CADPS2: variants seen among roughly 807,000 people sequenced by gnomAD.
The protein encoded by CADPS2 is calcium dependent secretion activator 2.
A neutral mutation model predicts 172.5 loss-of-function variants in CADPS2; 93 were observed. The ratio of observed to expected loss-of-function variants is 0.54; its 90% CI spans 0.46 to 0.64. The LOEUF (loss-of-function observed/expected upper bound fraction) is 0.64. Ranked by LOEUF, CADPS2 falls within the 30% of genes least tolerant of loss-of-function variation. The pLI, the probability that CADPS2 is intolerant of heterozygous loss-of-function variation, is 0.00. For missense variants in CADPS2, 1,420 were observed against 1,565.9 expected (o/e 0.91, Z 1.57); for synonymous variants, 546 against 555.2 (o/e 0.98, Z 0.23).
intron 25 of CADPS2, among the ~76,000 whole-genome samples, chr7:122,362,803 G>A (rs1234610239): frequency 6.6e-6 from 1 of 152,172 alleles, no homozygotes; most frequent in Non-Finnish European, 1.5e-5. Context: ...AGAACTCGCT[G>A]TGAGTGCATA....
chr7:122,779,490 C>A (rs1792108088), intron 1 of CADPS2, among the ~76,000 whole-genome samples: 1 of 152,092 alleles, frequency 6.6e-6, no homozygotes. Context: ...TAAAGCAAGT[C>A]AAAAGGCCAA....
At chr7:122,428,475 T>A (rs1424898964) in intron 17 of CADPS2, among the ~76,000 whole-genome samples, 8 of 141,002 alleles carry the variant, frequency 5.7e-5, no homozygotes, top group East Asian at 3.9e-4. Flanking sequence ...ATATATATTT[T>A]TTTTTTTTTG....
At chr7:122,816,333 T>C (rs1801397358) in intron 1 of CADPS2, among the ~76,000 whole-genome samples, 1 of 152,220 alleles carries the variant, frequency 6.6e-6, no homozygotes, top group Admixed American at 6.5e-5. Flanking sequence ...TAACATAATG[T>C]CTTCCAGTGC....
intron 3 of CADPS2, among the ~76,000 whole-genome samples, chr7:122,631,538 C>G (rs1157262685): frequency 1.3e-5 from 2 of 152,054 alleles, no homozygotes; most frequent in African/African-American, 4.8e-5. Flanking sequence ...CTCTGCCTTC[C>G]TAAGTGCTGG....
intron 3 of CADPS2, among the ~76,000 whole-genome samples, chr7:122,661,481 T>G (rs1373148283): frequency 6.6e-6 from 1 of 152,196 alleles, no homozygotes; most frequent in African/African-American, 2.4e-5. Flanking sequence ...CTAATCCATA[T>G]GTAATAACTC....
intron 3 of CADPS2, among the ~76,000 whole-genome samples, chr7:122,640,696 C>A (rs2077538765): frequency 6.6e-6 from 1 of 152,074 alleles, no homozygotes; most frequent in Admixed American, 6.6e-5. Flanking sequence ...CTTTGGGAGG[C>A]CGAGGCAGGC....
chr7:122,447,703 A>C (rs2052474885), intron 15 of CADPS2, among the ~76,000 whole-genome samples: 1 of 151,442 alleles, frequency 6.6e-6, no homozygotes, highest in South Asian at 2.1e-4. Flanking sequence ...ACAGGAGCTC[A>C]CCACCATGAC....
chr7:122,568,217 G>T (rs573442777), intron 7 of CADPS2, among the ~76,000 whole-genome samples: 4 of 151,852 alleles, frequency 2.6e-5, no homozygotes, highest in Admixed American at 2.0e-4. Context: ...TGGGCAACAC[G>T]GCAAAACCCC....
At chr7:122,536,891 A>T (rs2062345139) in intron 8 of CADPS2, among the ~76,000 whole-genome samples, 1 of 152,050 alleles carries the variant, frequency 6.6e-6, no homozygotes, top group Admixed American at 6.6e-5. Flanking sequence ...ATAGTAATGA[A>T]ATGCCTGATG....
rs187129237 is a variant in CADPS2, at chr7:122,706,329, T to C, written c.453+30626A>G. On this transcript the variant is annotated intron_variant, in intron 2 of 29. Transcript: ENST00000449022. ...TATTCAAGGAATATATATATATGCT[T>C]ATATATTCAAGGAATATATATATAT... Among the ~76,000 whole-genome samples the C allele has an allele frequency of 6.8e-3, 260 of 38,222 alleles. 17 individuals carry two copies. The highest frequency in any genetic ancestry group is 9.0e-3 in the Non-Finnish European group (165 of 18,426). The allele number at this position is 38,222 out of a possible 152,430, so 25.1% of individuals were successfully genotyped here.
At chr7:122,348,249 T>C (rs1344286284) in intron 27 of CADPS2, among the ~76,000 whole-genome samples, 1 of 152,208 alleles carries the variant, frequency 6.6e-6, no homozygotes, top group South Asian at 2.1e-4. Context: ...ACATTTACCA[T>C]AGACACTACG....
chr7:122,337,222 C>T (rs2035984938), intron 28 of CADPS2, among the ~76,000 whole-genome samples: 1 of 152,176 alleles, frequency 6.6e-6, no homozygotes, highest in East Asian at 1.9e-4. Context: ...CCAAATCCTG[C>T]TGAGCACCAT....
intron 2 of CADPS2, among the ~76,000 whole-genome samples, chr7:122,672,294 G>A (rs1401978916): frequency 6.6e-6 from 1 of 152,152 alleles, no homozygotes; most frequent in African/African-American, 2.4e-5. Flanking sequence ...TGGTTCCAGA[G>A]CTGGTCTCCA....
At chr7:122,470,492 T>C (rs774376055) in intron 14 of CADPS2, among the ~76,000 whole-genome samples, 32 of 151,820 alleles carry the variant, frequency 2.1e-4, no homozygotes, top group African/African-American at 7.7e-4. Flanking sequence ...TTATTTATTT[T>C]TTATTTTTAT....
chr7:122,772,314 A>AT (rs1471902902), intron 1 of CADPS2, among the ~76,000 whole-genome samples: 9 of 152,344 alleles, frequency 5.9e-5, no homozygotes, highest in Non-Finnish European at 1.0e-4. Flanking sequence ...TGTGATTAAC[A>AT]TATCACTTCA....
At chr7:122,671,264 G>A (rs1302417793) in intron 2 of CADPS2, among the ~76,000 whole-genome samples, 4 of 152,164 alleles carry the variant, frequency 2.6e-5, no homozygotes, top group East Asian at 1.9e-4. Context: ...ACTAGGCTAC[G>A]TACATAGACA....
chr7:122,357,917 A>T (rs2039630380), intron 27 of CADPS2, among the ~76,000 whole-genome samples: 1 of 152,190 alleles, frequency 6.6e-6, no homozygotes, highest in South Asian at 2.1e-4. Context: ...TTGGGTGATT[A>T]TAAACAAAGT....
intron 3 of CADPS2, among the ~76,000 whole-genome samples, chr7:122,642,184 G>A (rs540947819): frequency 2.0e-5 from 3 of 151,356 alleles, no homozygotes; most frequent in South Asian, 2.1e-4. Context: ...AGAGACTGAG[G>A]CAGGAGAATC....
At chr7:122,702,794 A>C (rs764855925) in intron 2 of CADPS2, 1 of 1,398,518 alleles carries the variant, frequency 7.2e-7, no homozygotes, top group Admixed American at 2.4e-5. Context: ...AAAACAAAAC[A>C]ACATCAGTTG....
Sources: allele counts gnomAD v4.1 joint callset (sites outside exome capture counted in the v4.1 genomes callset), GRCh38; gene constraint gnomAD v4.1.1; transcripts MANE v1.5; gene names NCBI Gene and HGNC (gene_info 2026-07-23, HGNC 2026-07-21).